DHRSX: variants seen among roughly 807,000 people sequenced by gnomAD.
DHRSX encodes the protein dehydrogenase/reductase X-linked.
In DHRSX, 31 loss-of-function variants were observed where a neutral mutation model predicts 34.0. The observed-to-expected ratio is 0.91, with a 90% CI of 0.69 to 1.23. DHRSX has a LOEUF of 1.23. Among genes scored for constraint, DHRSX ranks in the 50% most tolerant of loss-of-function variants. DHRSX has a pLI of 0.00. For synonymous variants in DHRSX, 201 were observed against 183.8 expected (o/e 1.09, Z -0.76); for missense variants, 414 against 428.1 (o/e 0.97, Z 0.29).
At chrX:2,298,210 T>G (rs1037410774) in intron 3 of DHRSX, among the ~76,000 whole-genome samples, 3 of 151,862 alleles carry the variant, frequency 2.0e-5, no homozygotes, top group African/African-American at 7.3e-5. Flanking sequence ...GATCCTCCCC[T>G]AGAGCGTCTG....
chrX:2,436,142 G>A (rs1007936864), intron 1 of DHRSX, among the ~76,000 whole-genome samples: 17 of 148,538 alleles, frequency 1.1e-4, no homozygotes, highest in African/African-American at 3.2e-4. Flanking sequence ...GCAGTGAGCC[G>A]AGATCACACC....
At chrX:2,229,258 C>T (rs1274116950) in intron 6 of DHRSX, among the ~76,000 whole-genome samples, 1 of 152,066 alleles carries the variant, frequency 6.6e-6, no homozygotes, top group Non-Finnish European at 1.5e-5. Context: ...TTTCCACGCC[C>T]CAAAGTTGTG....
At chrX:2,442,949 A>C (rs1207677407) in intron 1 of DHRSX, among the ~76,000 whole-genome samples, 3 of 152,152 alleles carry the variant, frequency 2.0e-5, no homozygotes, top group Admixed American at 1.3e-4. Flanking sequence ...ATGATAAGAC[A>C]ATGACTTGTG....
At chrX:2,304,065 G>GTGGA (rs1265587308) in intron 3 of DHRSX, among the ~76,000 whole-genome samples, 4 of 59,258 alleles carry the variant, frequency 6.8e-5, no homozygotes, top group South Asian at 9.9e-4. Context: ...GGATGGATGG[G>GTGGA]TGGATGGATG....
chrX:2,267,917 A>G (rs1056663338), intron 4 of DHRSX, among the ~76,000 whole-genome samples: 3 of 152,192 alleles, frequency 2.0e-5, no homozygotes, highest in African/African-American at 4.8e-5. Context: ...ACTGCACCCC[A>G]GCCTGGGCAA....
intron 1 of DHRSX, among the ~76,000 whole-genome samples, chrX:2,429,088 G>C (rs1319752776): frequency 6.6e-6 from 1 of 152,118 alleles, no homozygotes. Context: ...TTTTCCATAT[G>C]CTTAGGTTTT....
At chrX:2,314,786 C>T (rs2042222485) in intron 3 of DHRSX, among the ~76,000 whole-genome samples, 2 of 152,060 alleles carry the variant, frequency 1.3e-5, no homozygotes, top group South Asian at 4.1e-4. Context: ...GAACTTCGTC[C>T]TCATGATTTT....
intron 3 of DHRSX, among the ~76,000 whole-genome samples, chrX:2,360,776 G>A (rs1347722095): frequency 6.6e-6 from 1 of 151,974 alleles, no homozygotes; most frequent in Non-Finnish European, 1.5e-5. Flanking sequence ...CCCGATGTGG[G>A]CAGATGCTTA....
At chrX:2,333,372 G>A (rs745420345) in intron 3 of DHRSX, among the ~76,000 whole-genome samples, 152 of 152,224 alleles carry the variant, frequency 1.0e-3, no homozygotes, top group South Asian at 2.3e-3. Context: ...CGTGACATGG[G>A]AGTTTGGTGT....
intron 3 of DHRSX, among the ~76,000 whole-genome samples, chrX:2,305,381 C>T (rs1197815553): frequency 6.6e-6 from 1 of 152,130 alleles, no homozygotes; most frequent in Non-Finnish European, 1.5e-5. Flanking sequence ...AATGCTTTTA[C>T]ACTGTTGGTG....
At chrX:2,333,875 T>C (rs1227604068) in intron 3 of DHRSX, among the ~76,000 whole-genome samples, 1 of 152,188 alleles carries the variant, frequency 6.6e-6, no homozygotes, top group African/African-American at 2.4e-5. Context: ...ATTAGTTTGC[T>C]AAGGACAATG....
intron 1 of DHRSX, among the ~76,000 whole-genome samples, chrX:2,449,828 G>A (rs1277266367): frequency 6.6e-6 from 1 of 152,060 alleles, no homozygotes; most frequent in African/African-American, 2.4e-5. Context: ...TTTTAGTAGA[G>A]ATGGAGTTTG....
At chrX:2,387,968 G>A (rs1433694128) in intron 3 of DHRSX, among the ~76,000 whole-genome samples, 1 of 149,604 alleles carries the variant, frequency 6.7e-6, no homozygotes, top group South Asian at 2.1e-4. Flanking sequence ...CTTGTTCTGT[G>A]CCAGGGAGGC....
chrX:2,308,899 A>AGGAAT (rs71914744), intron 3 of DHRSX, among the ~76,000 whole-genome samples: 1 of 145,386 alleles, frequency 6.9e-6, no homozygotes, highest in African/African-American at 2.8e-5. Flanking sequence ...GAAGGAAGGA[A>AGGAAT]GAAGGAGAAA....
chrX:2,222,427 T>C (rs183823881), intron 6 of DHRSX, among the ~76,000 whole-genome samples: 160 of 152,320 alleles, frequency 1.1e-3, no homozygotes, highest in Middle Eastern at 0.01. Flanking sequence ...ATCACCTCAT[T>C]ATACAACCAG....
rs763112783 is a variant in DHRSX at position 2,333,648 on chromosome X, C to T, written c.287-42045G>A. On this transcript the variant is annotated intron_variant, in intron 3 of 6. Transcript: ENST00000334651. ...CAGGCTGGTCTCGAACTCCTGACCT[C>T]GTGATCTGCCCACCTCGGCCTCCCA... 2.1e-3 allele frequency among the ~76,000 whole-genome samples: 324 copies of T among 152,102 alleles called. 1 individual carries two copies. The highest frequency in any genetic ancestry group is 7.1e-3 in the African/African-American group (293 of 41,520).
chrX:2,224,739 C>T (rs1028889103), intron 6 of DHRSX, among the ~76,000 whole-genome samples: 3 of 152,154 alleles, frequency 2.0e-5, no homozygotes, highest in Non-Finnish European at 2.9e-5. Flanking sequence ...TACGCACACA[C>T]ACATGCACAC....
At chrX:2,238,031 A>G (rs928707740) in intron 6 of DHRSX, among the ~76,000 whole-genome samples, 1 of 152,132 alleles carries the variant, frequency 6.6e-6, no homozygotes, top group Non-Finnish European at 1.5e-5. Context: ...CTCAGCATGA[A>G]GAATGGCCTG....
intron 1 of DHRSX, chrX:2,486,924 C>T: frequency 6.6e-6 from 1 of 152,250 alleles, no homozygotes; most frequent in East Asian, 1.9e-4. Context: ...TTCCTTTGCC[C>T]TCTGACACCC....
Sources: allele counts gnomAD v4.1 joint callset (sites outside exome capture counted in the v4.1 genomes callset), GRCh38; gene constraint gnomAD v4.1.1; transcripts MANE v1.5; gene names NCBI Gene and HGNC (gene_info 2026-07-23, HGNC 2026-07-21).